Variants in TCERG1L observed in about 807,000 individuals in gnomAD.
TCERG1L encodes the protein transcription elongation regulator 1-like protein.
A neutral mutation model predicts 56.3 loss-of-function variants in TCERG1L; 37 were observed. That is an observed-to-expected ratio of 0.66 (90% CI 0.51 to 0.87). TCERG1L has a LOEUF of 0.87. TCERG1L is among the 40% of genes least tolerant of loss of function. TCERG1L has a pLI of 0.00. For missense variants in TCERG1L, 799 were observed against 774.2 expected (o/e 1.03, Z -0.38); for synonymous variants, 324 against 326.3 (o/e 0.99, Z 0.08).
chr10:131,146,744 C>A, intron 6 of TCERG1L, 84 bp from the exon 7 acceptor site: 5 of 1,423,156 alleles, frequency 3.5e-6, no homozygotes, highest in Non-Finnish European at 3.8e-6. Flanking sequence ...ACTGAAAAAG[C>A]CCCTCAGGAC....
rs922316270 is a variant in TCERG1L, at chr10:131,310,843, C to A, written c.342+451G>T. Among the ~76,000 whole-genome samples the A allele has an allele frequency of 2.6e-5, 4 of 152,228 alleles. No individual in the cohort carries two copies. The East Asian group carries it at 5.8e-4, about 22-fold the overall frequency. On this transcript the variant is annotated intron_variant, in intron 1 of 11. Transcript: ENST00000368642. ...CAAATGAAAGGGGGAAAAACCCAAACCAGATTAGAATCTGAAACAGCTGAA... is the reference window on the plus strand; with the variant it reads ...CAAATGAAAGGGGGAAAAACCCAAAACAGATTAGAATCTGAAACAGCTGAA...
intron 6 of TCERG1L, among the ~76,000 whole-genome samples, chr10:131,158,461 C>T (rs972782470): frequency 2.0e-5 from 3 of 152,214 alleles, no homozygotes; most frequent in Non-Finnish European, 2.9e-5. Flanking sequence ...AAGTTAACCA[C>T]GAGTAAGACT....
intron 4 of TCERG1L, among the ~76,000 whole-genome samples, chr10:131,259,525 TAC>T (rs1349883466): frequency 1.3e-5 from 2 of 152,290 alleles, no homozygotes; most frequent in East Asian, 1.9e-4. Flanking sequence ...GCGTGCAGGT[TAC>T]AGTTAGTGGA....
At chr10:131,127,049 T>C (rs1394779169) in intron 8 of TCERG1L, among the ~76,000 whole-genome samples, 2 of 152,136 alleles carry the variant, frequency 1.3e-5, no homozygotes, top group Non-Finnish European at 2.9e-5. Flanking sequence ...TTTTAGGTAA[T>C]ATTGAAGGAG....
chr10:131,256,992 G>GGAAGAAAGAAA (rs1846173015), intron 4 of TCERG1L, among the ~76,000 whole-genome samples: 11 of 59,214 alleles, frequency 1.9e-4, no homozygotes, highest in African/African-American at 6.1e-4. Context: ...AAGGAAGGAA[G>GGAAGAAAGAAA]GAAAGAAAGA....
Position 131,238,872 on chromosome 10 carries a change from G to C in TCERG1L, c.856+21387C>G, listed in dbSNP as rs998736906. 2.6e-5 allele frequency among the ~76,000 whole-genome samples: 4 copies of C among 152,320 alleles called. No individual in the cohort carries two copies. The East Asian group carries it at 5.8e-4, about 22-fold the overall frequency. ...GCTGGGAAAAGGTACACCGTGCAGA[G>C]GGGGATCTGTCCTGGTCATAGGTGT... is the stretch of plus-strand genomic sequence containing the variant. On this transcript the variant is annotated intron_variant, in intron 4 of 11. Coordinates refer to ENST00000368642, the MANE Select transcript of TCERG1L (RefSeq NM_174937.4).
chr10:131,279,441 C>T (rs143856275), intron 3 of TCERG1L, among the ~76,000 whole-genome samples: 276 of 152,260 alleles, frequency 1.8e-3, no homozygotes, highest in African/African-American at 6.4e-3. Flanking sequence ...GAGCCCATTC[C>T]AGGCTTCACA....
At chr10:131,169,126 G>A (rs1846063239) in intron 4 of TCERG1L, among the ~76,000 whole-genome samples, 1 of 152,168 alleles carries the variant, frequency 6.6e-6, no homozygotes, top group African/African-American at 2.4e-5. Flanking sequence ...TCTTGTCAAG[G>A]TGCAGCGGTC....
At chr10:131,094,966 G>A (rs1314139142) in intron 11 of TCERG1L, among the ~76,000 whole-genome samples, 1 of 152,226 alleles carries the variant, frequency 6.6e-6, no homozygotes. Context: ...AAGAAAGGGA[G>A]CCTCCCGCTT....
chr10:131,202,385 C>T (rs1315438505), intron 4 of TCERG1L, among the ~76,000 whole-genome samples: 2 of 152,172 alleles, frequency 1.3e-5, no homozygotes, highest in African/African-American at 4.8e-5. Flanking sequence ...AGTCCGAGAC[C>T]AGTCTGCGCA....
intron 6 of TCERG1L, chr10:131,156,026 A>T (rs1589730851): frequency 6.6e-6 from 1 of 152,250 alleles, no homozygotes; most frequent in Non-Finnish European, 1.5e-5. Flanking sequence ...TTACTCAAAG[A>T]AGACCGATGC....
intron 8 of TCERG1L, among the ~76,000 whole-genome samples, chr10:131,122,631 C>T (rs1352664777): frequency 2.0e-5 from 3 of 152,204 alleles, no homozygotes; most frequent in Non-Finnish European, 4.4e-5. Context: ...GCTGCTCCTG[C>T]GTTGTCACCT....
chr10:131,163,502 G>T (rs957636919), intron 5 of TCERG1L, among the ~76,000 whole-genome samples: 1 of 152,154 alleles, frequency 6.6e-6, no homozygotes, highest in African/African-American at 2.4e-5. Flanking sequence ...CCAAGAGAGG[G>T]CATCTGAGGT....
chr10:131,131,893 C>G (rs75157269), intron 8 of TCERG1L, among the ~76,000 whole-genome samples: 3,948 of 152,298 alleles, frequency 0.026, 140 homozygotes, highest in South Asian at 0.16. Flanking sequence ...CAGCAGGCCC[C>G]CTGGAGGCAT....
chr10:131,094,013 C>A (rs1337848539), intron 11 of TCERG1L, among the ~76,000 whole-genome samples: 1 of 152,206 alleles, frequency 6.6e-6, no homozygotes, highest in Non-Finnish European at 1.5e-5. Flanking sequence ...AGCTGCCAGG[C>A]CAGGTGGTGC....
intron 4 of TCERG1L, among the ~76,000 whole-genome samples, chr10:131,193,506 T>G (rs1285605272): frequency 1.3e-5 from 2 of 152,240 alleles, no homozygotes; most frequent in African/African-American, 4.8e-5. Flanking sequence ...TTATCCTTCT[T>G]GAGCTGACTT....
intron 3 of TCERG1L, among the ~76,000 whole-genome samples, chr10:131,270,006 G>A (rs12265476): frequency 0.4 from 61,492 of 152,034 alleles, 13,201 homozygotes; most frequent in Non-Finnish European, 0.48. Context: ...CACTTCAGGA[G>A]GATATCCAAA....
At chr10:131,259,160 C>G (rs957989741) in intron 4 of TCERG1L, among the ~76,000 whole-genome samples, 3 of 152,188 alleles carry the variant, frequency 2.0e-5, no homozygotes, top group African/African-American at 7.2e-5. Context: ...AAAAAGACCA[C>G]ATTAGATTTA....
intron 3 of TCERG1L, among the ~76,000 whole-genome samples, chr10:131,301,518 T>C (rs1846761594): frequency 6.6e-6 from 1 of 152,026 alleles, no homozygotes; most frequent in Admixed American, 6.6e-5. Flanking sequence ...TATTTATCAC[T>C]TACCTGAGAA....
Sources: gnomAD v4.1 joint callset for allele counts (sites outside exome capture counted in the v4.1 genomes callset) on GRCh38, gnomAD v4.1.1 for gene constraint, MANE v1.5 for transcripts, NCBI Gene and HGNC (gene_info 2026-07-23, HGNC 2026-07-21) for gene names.